Variants in ANXA10 observed in about 807,000 individuals in gnomAD.
ANXA10 encodes the protein annexin A10.
Under a neutral mutation model 53.5 loss-of-function variants are expected in ANXA10, and 49 were observed. The observed-to-expected ratio is 0.92, with a 90% CI of 0.73 to 1.16. The LOEUF (loss-of-function observed/expected upper bound fraction) is 1.16, where lower values mean the gene tolerates loss of function less well. Ranked by LOEUF, ANXA10 falls within the 50% of genes most tolerant of loss-of-function variation. The pLI, the probability that ANXA10 is intolerant of heterozygous loss-of-function variation, is 0.00. For synonymous variants in ANXA10, 131 were observed against 128.9 expected, an observed-to-expected ratio of 1.02 and a Z score of -0.11; for missense variants, 393 against 394.4, an observed-to-expected ratio of 1.00 and a Z score of 0.03.
rs372610684 is a variant in ANXA10, at chr4:168,103,688, C to T, written c.18+10970C>T. Among the ~76,000 whole-genome samples the T allele has an allele frequency of 4.0e-5, 6 of 151,778 alleles. No homozygotes were observed. In the East Asian group the frequency reaches 5.8e-4, roughly 15 times the overall value. ...TATTTTTGAATAAAATTGTCAACATCGACACAAAATTCTGCCAGGATTTCG... is the reference window on the plus strand; with the variant it reads ...TATTTTTGAATAAAATTGTCAACATTGACACAAAATTCTGCCAGGATTTCG... On this transcript the variant is annotated intron_variant, in intron 1 of 11. Transcript: ENST00000359299.
At chr4:168,145,449 C>A (rs1731391899) in intron 3 of ANXA10, among the ~76,000 whole-genome samples, 1 of 152,160 alleles carries the variant, frequency 6.6e-6, no homozygotes, top group South Asian at 2.1e-4. Context: ...AAATTATAAC[C>A]TAAGTTCCTC....
At chr4:168,159,870 A>G (rs1201161092) in intron 3 of ANXA10, among the ~76,000 whole-genome samples, 1 of 152,160 alleles carries the variant, frequency 6.6e-6, no homozygotes, top group Non-Finnish European at 1.5e-5. Flanking sequence ...ACTATTTTGT[A>G]GTTATTTCAA....
rs1731813866 is a variant in ANXA10, at chr4:168,163,048, A to T, written c.309+407A>T. ...AAAAATTTGATTAAGTCAAAAGAAG[A>T]TATTGAATCAGGGACAATATATAGA... On this transcript the variant is annotated intron_variant, in intron 4 of 11. Transcript: ENST00000359299. Among the ~76,000 whole-genome samples, 4 of 152,200 alleles carry T rather than the reference A, an allele frequency of 2.6e-5. No individual in the cohort carries two copies. The South Asian group carries it at 8.3e-4, about 32-fold the overall frequency.
intron 3 of ANXA10, among the ~76,000 whole-genome samples, chr4:168,160,676 C>T (rs1270393888): frequency 6.6e-6 from 1 of 152,034 alleles, no homozygotes. Flanking sequence ...TTTACACTCC[C>T]AGAGTGTAAA....
At chr4:168,181,872 A>C (rs556810266) in intron 10 of ANXA10, 131 bp downstream of exon 10, 1 of 677,886 alleles carries the variant, frequency 1.5e-6, no homozygotes, top group Non-Finnish European at 2.5e-6. Flanking sequence ...AATACACCCA[A>C]GTGAGAAAAA....
At chr4:168,115,497 G>C in intron 1 of ANXA10, among the ~76,000 whole-genome samples, 1 of 136,528 alleles carries the variant, frequency 7.3e-6, no homozygotes, top group East Asian at 2.2e-4. Context: ...CAATACACAC[G>C]CACACACACA....
chr4:168,136,139 C>A (rs1166105896), intron 2 of ANXA10, among the ~76,000 whole-genome samples: 1 of 152,128 alleles, frequency 6.6e-6, no homozygotes, highest in East Asian at 1.9e-4. Context: ...CCCCATGATC[C>A]AGTCACCTCC....
At chr4:168,165,472 C>T in intron 6 of ANXA10, 146 bp downstream of exon 6, 1 of 412,932 alleles carries the variant, frequency 2.4e-6, no homozygotes, top group Non-Finnish European at 4.3e-6. Context: ...TTTACTGAAG[C>T]CATGTTCAAA....
At chr4:168,111,404 A>G (rs1730804568) in intron 1 of ANXA10, among the ~76,000 whole-genome samples, 1 of 152,190 alleles carries the variant, frequency 6.6e-6, no homozygotes, top group South Asian at 2.1e-4. Context: ...GACATGAAAA[A>G]CATAAAATAA....
At chr4:168,112,683 C>A (rs1730829873) in intron 1 of ANXA10, among the ~76,000 whole-genome samples, 1 of 152,104 alleles carries the variant, frequency 6.6e-6, no homozygotes, top group African/African-American at 2.4e-5. Context: ...ATTGGGGTTT[C>A]AATATAGGCT....
chr4:168,173,005 G>T (rs367667559), intron 6 of ANXA10, among the ~76,000 whole-genome samples: 2 of 152,030 alleles, frequency 1.3e-5, no homozygotes, highest in Admixed American at 1.3e-4. Context: ...GGCCAGGCTT[G>T]TCTTGAACTC....
At chr4:168,182,400 G>A (rs747662690) in intron 10 of ANXA10, among the ~76,000 whole-genome samples, 104 of 123,282 alleles carry the variant, frequency 8.4e-4, no homozygotes, top group Non-Finnish European at 1.4e-3. Context: ...GCGCGATCTC[G>A]GCTCACTGCA....
chr4:168,108,105 G>A (rs1043081080), intron 1 of ANXA10, among the ~76,000 whole-genome samples: 4 of 152,166 alleles, frequency 2.6e-5, no homozygotes, highest in Non-Finnish European at 4.4e-5. Context: ...ACTGGTGAGA[G>A]TGTCTTTTAA....
At chr4:168,099,739 G>A (rs1187789604) in intron 1 of ANXA10, among the ~76,000 whole-genome samples, 1 of 152,026 alleles carries the variant, frequency 6.6e-6, no homozygotes, top group East Asian at 1.9e-4. Context: ...CTAATTTCAT[G>A]ACTTAGTGGA....
At chr4:168,167,992 T>G (rs986779203) in intron 6 of ANXA10, among the ~76,000 whole-genome samples, 1 of 152,152 alleles carries the variant, frequency 6.6e-6, no homozygotes. Context: ...AAACTTTCTC[T>G]CTTCTCCCTT....
In ANXA10 at chr4:168,156,050, T is replaced by A. The variant is rs796195106; in HGVS notation, c.196-6478T>A. Among the ~76,000 whole-genome samples, 569 of 72,182 alleles carry A rather than the reference T, an allele frequency of 7.9e-3. 10 individuals are homozygous for A. Among genetic ancestry groups the A allele is most frequent in the African/African-American group, 0.034 (536 of 15,934 alleles). 47.4% of individuals were successfully genotyped at this position (72,182 alleles called of 152,430 possible). On this transcript the variant is annotated intron_variant, in intron 3 of 11. Coordinates refer to ENST00000359299, the MANE Select transcript of ANXA10 (RefSeq NM_007193.5). ...TTATATATAGTATTATATTATATAT[T>A]ATATATTATATATCATATATTATAT...
At chr4:168,174,406 C>T (rs368982063) in intron 6 of ANXA10, among the ~76,000 whole-genome samples, 44 of 152,288 alleles carry the variant, frequency 2.9e-4, no homozygotes, top group Middle Eastern at 3.4e-3. Context: ...ACATGGAGCC[C>T]GCACCTATGC....
chr4:168,132,837 C>T (rs1290084880), intron 2 of ANXA10, among the ~76,000 whole-genome samples: 1 of 151,954 alleles, frequency 6.6e-6, no homozygotes, highest in African/African-American at 2.4e-5. Context: ...GCCTAGGAGG[C>T]CACTTTTACC....
intron 3 of ANXA10, among the ~76,000 whole-genome samples, chr4:168,153,140 CTATTA>C (rs1250885514): frequency 6.6e-6 from 1 of 152,034 alleles, no homozygotes; most frequent in Non-Finnish European, 1.5e-5. Context: ...CAGCCAGAGG[CTATTA>C]TATTAACAAA....
Sources: allele counts gnomAD v4.1 joint callset (sites outside exome capture counted in the v4.1 genomes callset), GRCh38; gene constraint gnomAD v4.1.1; transcripts MANE v1.5; gene names NCBI Gene and HGNC (gene_info 2026-07-23, HGNC 2026-07-21).